The following ACSL1 variants were observed in gnomAD, a reference collection of about 807,000 sequenced individuals.
ACSL1 encodes acyl-CoA synthetase long chain family member 1, also known as long-chain-fatty-acid--CoA ligase 1.
A neutral mutation model predicts 98.4 loss-of-function variants in ACSL1; 41 were observed. The observed-to-expected ratio is 0.42, with a 90% CI of 0.32 to 0.54. The LOEUF (loss-of-function observed/expected upper bound fraction) is 0.54. Among genes scored for constraint, ACSL1 ranks in the 20% least tolerant of loss-of-function variants. The pLI is 0.13. For missense variants in ACSL1, 734 were observed against 883.1 expected (o/e 0.83, Z 2.14); for synonymous variants, 316 against 322.7 (o/e 0.98, Z 0.22).
At chr4:184,765,025 T>C in intron 14 of ACSL1, 100 bp from the exon 15 acceptor site, 1 of 1,175,674 alleles carries the variant, frequency 8.5e-7, no homozygotes. Flanking sequence ...AAGTCATGGC[T>C]GACTGGTGAA....
chr4:184,795,930 T>C (rs72695659), intron 2 of ACSL1, among the ~76,000 whole-genome samples: 15,398 of 152,304 alleles, frequency 0.1, 954 homozygotes, highest in Non-Finnish European at 0.14. Context: ...CCTCTAAGCA[T>C]AGTCTCTCCA....
chr4:184,773,052 G>T lies in ACSL1; in HGVS notation c.915+29C>A. On this transcript the variant is annotated intron_variant, in intron 10 of 20. Transcript: ENST00000281455. This position sits in a 1 kb window ranked among gnomAD's most constrained non-coding sequence, Gnocchi z 4.3. Reference sequence around the variant, plus strand: ...CTCAAGGACTAATGTCAATCAATGAGGAAAGATGACGACATCCCAAAAAGT... The same window carrying T: ...CTCAAGGACTAATGTCAATCAATGATGAAAGATGACGACATCCCAAAAAGT... The T allele has an allele frequency of 6.2e-7, 1 of 1,600,048 alleles. No homozygotes were observed. The highest frequency in any genetic ancestry group is 8.6e-7 in the Non-Finnish European group (1 of 1,167,540).
intron 11 of ACSL1, among the ~76,000 whole-genome samples, chr4:184,768,964 G>A (rs1360215369): frequency 6.6e-6 from 1 of 152,000 alleles, no homozygotes; most frequent in Non-Finnish European, 1.5e-5. Context: ...AGCGACTCAG[G>A]AGGCTGAGGC....
At position 184,766,299 on chromosome 4, in the gene ACSL1, T is replaced by C. The variant is rs898370863; in HGVS notation, c.1264-313A>G. Among the ~76,000 whole-genome samples the C allele has an allele frequency of 1.3e-5, 2 of 152,186 alleles. No individual in the cohort carries two copies. Among genetic ancestry groups the C allele is most frequent in the Admixed American group, 1.3e-4 (2 of 15,280 alleles). On this transcript the variant is annotated intron_variant, in intron 13 of 20. Coordinates refer to ENST00000281455, the MANE Select transcript of ACSL1 (RefSeq NM_001995.5). This position sits in a 1 kb window ranked among gnomAD's most constrained non-coding sequence, Gnocchi z 4.8. ...AATTCTGGCCTTCTGGGGGGCATGA[T>C]ATTGTTACACGTTATCACTCATGCT... is the stretch of plus-strand genomic sequence containing the variant.
At chr4:184,788,752 G>A (rs780360999) in intron 2 of ACSL1, 21 bp from the exon 3 acceptor site, 1 of 1,603,646 alleles carries the variant, frequency 6.2e-7, no homozygotes, top group African/African-American at 1.3e-5. Flanking sequence ...AGAAAGGGGG[G>A]CAGGTTAGAA....
At chr4:184,799,923 G>T (rs1770178780) in intron 2 of ACSL1, among the ~76,000 whole-genome samples, 1 of 152,020 alleles carries the variant, frequency 6.6e-6, no homozygotes, top group African/African-American at 2.4e-5. Flanking sequence ...TATTGATCTG[G>T]ACAGATCCAA....
chr4:184,784,638 C>T (rs925500320), intron 3 of ACSL1, among the ~76,000 whole-genome samples: 24 of 152,072 alleles, frequency 1.6e-4, no homozygotes, highest in African/African-American at 5.8e-4. Flanking sequence ...CAAAAGGGGA[C>T]CATAGTGCAT....
At position 184,766,709 on chromosome 4, in the gene ACSL1, A is replaced by C; in HGVS notation, c.1176T>G (p.Phe392Leu). The C allele has an allele frequency of 6.2e-7, 1 of 1,614,004 alleles. No individual in the cohort carries two copies. ...GCTCTGCTTCTTTCCTCTTGGAGGC[A>C]AAGTCCAAGAGCCATCGCTTCAGCG... ...NTTLKRWLLD[F>L]ASKRKEAELR... is the part of the protein sequence containing the mutation. The change falls in exon 13 of 21, where the codon TTT becomes TTG. Residue 392 changes from phenylalanine to leucine, a missense_variant. Phe to Leu is a conservative substitution (Grantham distance 22). Transcript: ENST00000281455. The surrounding 1 kb of genome is among the most constrained non-coding windows in gnomAD (Gnocchi z 4.8).
chr4:184,803,417 A>G lies in ACSL1; in HGVS notation c.98T>C (p.Phe33Ser). Residue 33 changes from phenylalanine (F) to serine (S), a missense_variant, in exon 2 of 21, where the codon TTC (phenylalanine) becomes TCC (serine). Coordinates refer to ENST00000281455, the MANE Select transcript of ACSL1 (RefSeq NM_001995.5). The surrounding 1 kb of genome is among the most constrained non-coding windows in gnomAD (Gnocchi z 4.8). ...RTLPTNTLMG[F>S]GAFAALTTFW... ...GGTGGTGAGTGCTGCAAAAGCTCCG[A>G]AGCCCATAAGCGTGTTGGTCGGAAG... 2 of 1,614,018 alleles carry G rather than the reference A, an allele frequency of 1.2e-6. No homozygotes were observed. The highest frequency in any genetic ancestry group is 1.7e-6 in the Non-Finnish European group (2 of 1,179,978).
At chr4:184,762,109 T>G (rs950234601) in intron 17 of ACSL1, among the ~76,000 whole-genome samples, 3 of 148,980 alleles carry the variant, frequency 2.0e-5, no homozygotes, top group Non-Finnish European at 4.4e-5. Context: ...CCAGCCTGGG[T>G]GACAAGAACA....
intron 2 of ACSL1, among the ~76,000 whole-genome samples, chr4:184,790,209 A>G (rs1768111122): frequency 6.6e-6 from 1 of 152,128 alleles, no homozygotes. Flanking sequence ...GGACTCTTCT[A>G]TTTTTATTAG....
At position 184,803,242 on chromosome 4, in the gene ACSL1, C is replaced by T. The variant is rs369605220; in HGVS notation, c.195+78G>A. 4.8e-6 allele frequency: 6 copies of T among 1,256,926 alleles called. No individual in the cohort carries two copies. The highest frequency in any genetic ancestry group is 1.7e-5 in the South Asian group (1 of 60,222). 77.9% of individuals were successfully genotyped at this position (1,256,926 alleles called of 1,614,324 possible). On this transcript the variant is annotated intron_variant, in intron 2 of 20. Coordinates refer to ENST00000281455, the MANE Select transcript of ACSL1 (RefSeq NM_001995.5). The surrounding 1 kb of genome is among the most constrained non-coding windows in gnomAD (Gnocchi z 4.8). ...ATAAACAAATATTTGATCTTGATGG[C>T]TATCACATTCAACAGGGCTCAGCTC... is the stretch of plus-strand genomic sequence containing the variant.
Position 184,757,803 on chromosome 4 carries a change from C to T in ACSL1, c.1884+16G>A. The T allele has an allele frequency of 3.1e-6, 5 of 1,613,496 alleles. No individual in the cohort carries two copies. Among genetic ancestry groups the T allele is most frequent in the Non-Finnish European group, 4.2e-6 (5 of 1,179,472 alleles). On this transcript the variant is annotated intron_variant, in intron 19 of 20. Coordinates refer to ENST00000281455, the MANE Select transcript of ACSL1 (RefSeq NM_001995.5). This position sits in a 1 kb window ranked among gnomAD's most constrained non-coding sequence, Gnocchi z 4.5. The stretch of plus-strand genomic sequence containing the variant: ...CAAGTTATGATGAGGACAGACTGGA[C>T]CCTTCAGAACCTTACCTTATTTCTG...
Position 184,756,907 on chromosome 4 carries a change from AGT to A in ACSL1, c.*216_*217del. 2.2e-6 allele frequency: 1 copy of A among 463,756 alleles called. No homozygotes were observed. The highest frequency in any genetic ancestry group is 3.3e-5 in the East Asian group (1 of 30,516). The allele number at this position is 463,756 out of a possible 1,614,324, so 28.7% of individuals were successfully genotyped here. A position where few individuals can be genotyped will look rare whatever the true frequency, so the allele number is the denominator to read the frequency against. ...ACAATTTTTAAGGCTCATTTTGGAA[AGT>A]GTGTATTACCATAAACATGGTCTGC... On this transcript the variant is annotated 3_prime_UTR_variant, in exon 21 of 21. Transcript: ENST00000281455.
In ACSL1 at chr4:184,766,759, A is replaced by G; in HGVS notation, c.1129-3T>C. On this transcript the variant is annotated splice_region_variant and splice_polypyrimidine_tract_variant and intron_variant, in intron 12 of 20. Transcript: ENST00000281455. This position sits in a 1 kb window ranked among gnomAD's most constrained non-coding sequence, Gnocchi z 4.8. ...GTGGTGTTTGCTTGTCCGAAAATCTAATGAGGCAAGACATGAGAAAGTTTT... is the reference window on the plus strand; with the variant it reads ...GTGGTGTTTGCTTGTCCGAAAATCTGATGAGGCAAGACATGAGAAAGTTTT... 1.9e-6 allele frequency: 3 copies of G among 1,610,394 alleles called. No individual in the cohort carries two copies. The highest frequency in any genetic ancestry group is 2.5e-6 in the Non-Finnish European group (3 of 1,177,062).
chr4:184,793,743 G>C (rs1353352602), intron 2 of ACSL1, among the ~76,000 whole-genome samples: 1 of 152,182 alleles, frequency 6.6e-6, no homozygotes, highest in Non-Finnish European at 1.5e-5. Context: ...CAAAGACGTG[G>C]CTGGGTTCTA....
intron 17 of ACSL1, among the ~76,000 whole-genome samples, chr4:184,760,984 C>CTTGG (rs1362277408): frequency 1.3e-5 from 2 of 152,222 alleles, no homozygotes; most frequent in African/African-American, 4.8e-5. Context: ...GAGGGGTGCT[C>CTTGG]TTGGCCCTTT....
rs755700497 is a variant in ACSL1 at position 184,760,407 on chromosome 4, T to G, written c.1732A>C (p.Met578Leu). Residue 578 changes from methionine (M) to leucine (L), a missense_variant, in exon 18 of 21, where the codon ATG becomes CTG. Coordinates refer to ENST00000281455, the MANE Select transcript of ACSL1 (RefSeq NM_001995.5). ...ACCTGAGCAACAGGCTCACTTCGCA[T>G]GTAGATATTTTCAATCTTTTCAGGG... Reference protein sequence around the residue: ...IAPEKIENIYMRSEPVAQVFV... With the variant: ...IAPEKIENIYLRSEPVAQVFV... The G allele has an allele frequency of 6.2e-7, 1 of 1,614,168 alleles. No individual in the cohort carries two copies. The highest frequency in any genetic ancestry group is 2.2e-5 in the East Asian group (1 of 44,870).
At chr4:184,810,429 C>T (rs35340636) in intron 1 of ACSL1, among the ~76,000 whole-genome samples, 40,611 of 152,068 alleles carry the variant, frequency 0.27, 6,911 homozygotes, top group Non-Finnish European at 0.38. Context: ...TATATTGGGA[C>T]AGGAATCTTA....
Sources: allele counts gnomAD v4.1 joint callset (sites outside exome capture counted in the v4.1 genomes callset), GRCh38; gene constraint gnomAD v4.1.1; non-coding constraint Gnocchi (gnomAD v3.1); transcripts MANE v1.5; gene names NCBI Gene and HGNC (gene_info 2026-07-23, HGNC 2026-07-21).